Variants in ANO2 observed in about 807,000 individuals in gnomAD.
ANO2 encodes anoctamin-2.
ANO2 carries 101 observed loss-of-function variants against 124.2 expected under a neutral mutation model. The ratio of observed to expected loss-of-function variants is 0.81; its 90% CI spans 0.69 to 0.96. ANO2 has a LOEUF of 0.96. Ranked by LOEUF, ANO2 falls within the 40% of genes least tolerant of loss-of-function variation. ANO2 has a pLI of 0.00. For missense variants in ANO2, 1,293 were observed against 1,274.5 expected, an observed-to-expected ratio of 1.01 and a Z score of -0.22; for synonymous variants, 486 against 482.5, an observed-to-expected ratio of 1.01 and a Z score of -0.09.
chr12:5,918,495 A>G (rs1056817421), intron 3 of ANO2, among the ~76,000 whole-genome samples: 1 of 146,752 alleles, frequency 6.8e-6, no homozygotes, highest in East Asian at 2.0e-4. Flanking sequence ...GCTGGAGTGC[A>G]GTGGCACAAT....
At chr12:5,867,347 C>G (rs181624341) in intron 3 of ANO2, among the ~76,000 whole-genome samples, 118 of 152,266 alleles carry the variant, frequency 7.7e-4, no homozygotes, top group Admixed American at 3.1e-3. Flanking sequence ...GTATGCAAAC[C>G]CCAAGAACTG....
chr12:5,921,441 C>G, intron 2 of ANO2, 75 bp from the exon 3 acceptor site: 2 of 1,445,770 alleles, frequency 1.4e-6, no homozygotes, highest in Non-Finnish European at 1.9e-6. Flanking sequence ...CTGATCTATG[C>G]TCTGGGCTCA....
chr12:5,886,109 G>A (rs898871194), intron 3 of ANO2, among the ~76,000 whole-genome samples: 1 of 152,176 alleles, frequency 6.6e-6, no homozygotes, highest in African/African-American at 2.4e-5. Context: ...ATAAATCTAA[G>A]CTTCCCAGAC....
intron 7 of ANO2, among the ~76,000 whole-genome samples, chr12:5,816,213 G>T (rs1953605408): frequency 6.6e-6 from 1 of 150,702 alleles, no homozygotes; most frequent in African/African-American, 2.5e-5. Flanking sequence ...AGTCACTCAT[G>T]CTTCTCTTCC....
intron 7 of ANO2, among the ~76,000 whole-genome samples, chr12:5,824,405 C>T (rs745548671): frequency 6.6e-6 from 1 of 152,188 alleles, no homozygotes; most frequent in Non-Finnish European, 1.5e-5. Flanking sequence ...TTGTCAAGTT[C>T]ATAGTTCTAC....
At chr12:5,681,544 C>G (rs1948490819) in intron 14 of ANO2, among the ~76,000 whole-genome samples, 1 of 152,096 alleles carries the variant, frequency 6.6e-6, no homozygotes, top group Non-Finnish European at 1.5e-5. Context: ...AAATCCTGAC[C>G]CCATTCATTT....
At chr12:5,911,124 T>C (rs925673607) in intron 3 of ANO2, among the ~76,000 whole-genome samples, 2 of 152,188 alleles carry the variant, frequency 1.3e-5, no homozygotes, top group African/African-American at 4.8e-5. Flanking sequence ...CTCACCTCTG[T>C]TACTGCACTT....
At chr12:5,899,252 T>A (rs1221491586) in intron 3 of ANO2, among the ~76,000 whole-genome samples, 7 of 152,208 alleles carry the variant, frequency 4.6e-5, no homozygotes, top group Non-Finnish European at 1.0e-4. Context: ...AGAGACTTCA[T>A]CTTATTAAGA....
Position 5,615,195 on chromosome 12 carries a change from A to T in ANO2, c.1919T>A (p.Phe640Tyr). 1 of 1,612,246 alleles carries T rather than the reference A, an allele frequency of 6.2e-7. No individual in the cohort carries two copies. Among genetic ancestry groups the T allele is most frequent in the Non-Finnish European group, 8.5e-7 (1 of 1,178,912 alleles). Reference protein sequence around the residue: ...AYSPIFYVAFFKGRFVGRPGS... With the variant: ...AYSPIFYVAFYKGRFVGRPGS... Reference sequence around the variant, plus strand: ...ACACCATTATACTCACCTCCCTTTGAAAAAGGCCACATAGAAGATGGGGGA... The same window carrying T: ...ACACCATTATACTCACCTCCCTTTGTAAAAGGCCACATAGAAGATGGGGGA... The change falls in exon 17 of 25, where the codon TTC becomes TAC. Residue 640 changes from phenylalanine to tyrosine, a missense_variant. Transcript: ENST00000682330.
rs752913527 is a variant in ANO2, at chr12:5,854,115, G to A, written c.561C>T (p.Val187=). ...GCACCTGCCACGGGGCGTGTATCCG[G>A]ACAAAGATGGATCCCTGGCTTTTAT... The part of the protein sequence containing the change: ...LENKSQGSIF[V]RIHAPWQVLA... The change falls in exon 4 of 25, where the codon GTC becomes GTT. Residue 187 remains valine, a synonymous_variant. Transcript: ENST00000682330. 6.2e-7 allele frequency: 1 copy of A among 1,613,214 alleles called. No individual in the cohort carries two copies. Among genetic ancestry groups the A allele is most frequent in the African/African-American group, 1.3e-5 (1 of 74,980 alleles).
At chr12:5,587,450 C>T (rs1943169873) in intron 20 of ANO2, among the ~76,000 whole-genome samples, 2 of 152,178 alleles carry the variant, frequency 1.3e-5, no homozygotes, top group South Asian at 4.1e-4. Context: ...AGAACTTAAG[C>T]TTGCAGCTCT....
At chr12:5,668,543 T>C (rs1304907617) in intron 14 of ANO2, among the ~76,000 whole-genome samples, 2 of 152,194 alleles carry the variant, frequency 1.3e-5, no homozygotes, top group Non-Finnish European at 2.9e-5. Context: ...AGAAGCTCTT[T>C]GGTTTAATTA....
At chr12:5,650,910 T>C (rs1265749356) in intron 14 of ANO2, among the ~76,000 whole-genome samples, 8 of 152,200 alleles carry the variant, frequency 5.3e-5, no homozygotes, top group Non-Finnish European at 7.3e-5. Flanking sequence ...ACCCAACCTA[T>C]GAAGCAGGTC....
intron 10 of ANO2, among the ~76,000 whole-genome samples, chr12:5,775,345 CA>C (rs890218650): frequency 1.3e-5 from 2 of 152,072 alleles, no homozygotes; most frequent in African/African-American, 4.8e-5. Flanking sequence ...CATCTTAACC[CA>C]AAAGGTCACA....
chr12:5,764,047 C>G (rs1316330418), intron 10 of ANO2, among the ~76,000 whole-genome samples: 2 of 152,126 alleles, frequency 1.3e-5, no homozygotes, highest in African/African-American at 4.8e-5. Flanking sequence ...CTCCACTATT[C>G]CACATTATCT....
In ANO2 at chr12:5,635,580, T is replaced by A. The variant is rs1945970831; in HGVS notation, c.1621-233A>T. Among the ~76,000 whole-genome samples, 1 of 147,282 alleles carries A rather than the reference T, an allele frequency of 6.8e-6. No individual in the cohort carries two copies. Among genetic ancestry groups the A allele is most frequent in the Non-Finnish European group, 1.5e-5 (1 of 67,376 alleles). Reference sequence around the variant, plus strand: ...CCAGGGGAGAATGTCTTAATTTTTGTCAGATTCCAAATGATTTATCACACA... The same window carrying A: ...CCAGGGGAGAATGTCTTAATTTTTGACAGATTCCAAATGATTTATCACACA... On this transcript the variant is annotated intron_variant, in intron 15 of 24. Transcript: ENST00000682330. The surrounding 1 kb of genome is among the most constrained non-coding windows in gnomAD (Gnocchi z 5.2).
intron 11 of ANO2, among the ~76,000 whole-genome samples, chr12:5,747,855 G>A (rs1591564646): frequency 6.6e-6 from 1 of 152,334 alleles, no homozygotes; most frequent in East Asian, 1.9e-4. Context: ...ATCCACAGTT[G>A]TAGAACACCA....
intron 14 of ANO2, among the ~76,000 whole-genome samples, chr12:5,681,462 T>G (rs186084160): frequency 3.7e-4 from 57 of 152,190 alleles, no homozygotes; most frequent in Non-Finnish European, 7.4e-4. Context: ...CAAAGCAGAG[T>G]GTCCCAGGAG....
At chr12:5,898,744 C>T (rs1363723931) in intron 3 of ANO2, among the ~76,000 whole-genome samples, 5 of 152,142 alleles carry the variant, frequency 3.3e-5, no homozygotes, top group African/African-American at 1.2e-4. Flanking sequence ...GGTAGGGTCA[C>T]GACTGGAAGG....
Sources: gnomAD v4.1 joint callset for allele counts (sites outside exome capture counted in the v4.1 genomes callset) on GRCh38, gnomAD v4.1.1 for gene constraint, Gnocchi (gnomAD v3.1) non-coding constraint, MANE v1.5 for transcripts, NCBI Gene and HGNC (gene_info 2026-07-23, HGNC 2026-07-21) for gene names.